PHF20: variants seen among roughly 807,000 people sequenced by gnomAD.
PHF20 encodes the protein PHD finger protein 20, also known as glioma-expressed antigen 2.
A neutral mutation model predicts 113.5 loss-of-function variants in PHF20; 23 were observed. That is an observed-to-expected ratio of 0.20 (90% CI 0.15 to 0.29). PHF20 has a LOEUF of 0.29. Among genes scored for constraint, PHF20 ranks in the 10% least tolerant of loss-of-function variants. The pLI is 1.00. For synonymous variants in PHF20, 434 were observed against 457.3 expected, an observed-to-expected ratio of 0.95 and a Z score of 0.65; for missense variants, 943 against 1,219.6, an observed-to-expected ratio of 0.77 and a Z score of 3.38.
chr20:35,858,444 CAAAT>C lies in PHF20; in HGVS notation c.420+67_420+70del, dbSNP rs1434735189. On this transcript the variant is annotated intron_variant, in intron 5 of 17. Coordinates refer to ENST00000374012, the MANE Select transcript of PHF20 (RefSeq NM_016436.5). ...TGCTAACATTGTAGTTTTGTTTCCTCAAATAAAGACATTACATTTGTTTATGATA... is the reference window on the plus strand; with the variant it reads ...TGCTAACATTGTAGTTTTGTTTCCTCAAAGACATTACATTTGTTTATGATA... 6.0e-6 allele frequency: 5 copies of C among 828,302 alleles called. No individual in the cohort carries two copies. The East Asian group carries it at 1.0e-4, about 17-fold the overall frequency. 51.3% of individuals were successfully genotyped at this position (828,302 alleles called of 1,614,324 possible). A position where few individuals can be genotyped will look rare whatever the true frequency, so the allele number is the denominator to read the frequency against.
At chr20:35,804,801 G>A (rs2041851219) in intron 2 of PHF20, among the ~76,000 whole-genome samples, 1 of 152,056 alleles carries the variant, frequency 6.6e-6, no homozygotes, top group African/African-American at 2.4e-5. Flanking sequence ...CTTGGGCAGT[G>A]GCTTTTGACC....
intron 17 of PHF20, among the ~76,000 whole-genome samples, chr20:35,945,218 G>GT (rs1345069614): frequency 6.6e-6 from 1 of 152,172 alleles, no homozygotes; most frequent in Non-Finnish European, 1.5e-5. Context: ...CTCTCGCTGT[G>GT]TTTGTTGCAG....
intron 2 of PHF20, among the ~76,000 whole-genome samples, chr20:35,840,021 A>G (rs1237518906): frequency 1.3e-5 from 2 of 152,208 alleles, no homozygotes; most frequent in East Asian, 3.8e-4. Flanking sequence ...TGTGGGTTGA[A>G]AAGTACACAG....
intron 13 of PHF20, among the ~76,000 whole-genome samples, chr20:35,924,299 A>T (rs2055579644): frequency 6.8e-6 from 1 of 147,178 alleles, no homozygotes; most frequent in Non-Finnish European, 1.5e-5. Context: ...GGTTCAAGTG[A>T]TTCTCCTGCC....
intron 9 of PHF20, among the ~76,000 whole-genome samples, chr20:35,887,066 C>T (rs531200032): frequency 2.6e-5 from 4 of 152,276 alleles, no homozygotes; most frequent in Admixed American, 6.5e-5. Context: ...TCATCTGATA[C>T]TGGCAATGGG....
intron 4 of PHF20, chr20:35,855,139 C>T (rs2042803437): frequency 6.6e-6 from 2 of 301,606 alleles, no homozygotes; most frequent in African/African-American, 4.6e-5. Context: ...AAACTCCCAT[C>T]CCCCCATCTC....
chr20:35,785,688 G>A (rs1342920353), intron 1 of PHF20, among the ~76,000 whole-genome samples: 1 of 152,008 alleles, frequency 6.6e-6, no homozygotes, highest in Non-Finnish European at 1.5e-5. Context: ...GCATGAAAAT[G>A]TCTCTCAAGG....
At chr20:35,915,267 G>A (rs556113530) in intron 12 of PHF20, among the ~76,000 whole-genome samples, 1 of 149,794 alleles carries the variant, frequency 6.7e-6, no homozygotes, top group African/African-American at 2.4e-5. Context: ...GGTGAATGAT[G>A]GTATTTGTTC....
intron 10 of PHF20, among the ~76,000 whole-genome samples, chr20:35,911,102 C>T (rs1568750275): frequency 2.0e-5 from 3 of 151,298 alleles, no homozygotes; most frequent in Non-Finnish European, 3.0e-5. Flanking sequence ...GTGCAGTGGC[C>T]AGACCTCAGC....
chr20:35,836,877 T>C (rs1204649548), intron 2 of PHF20, among the ~76,000 whole-genome samples: 1 of 149,744 alleles, frequency 6.7e-6, no homozygotes, highest in African/African-American at 2.5e-5. Flanking sequence ...AATTTAAAAG[T>C]ATTTATTTTT....
intron 13 of PHF20, among the ~76,000 whole-genome samples, 156 bp from the exon 14 acceptor site, chr20:35,927,624 G>A (rs1366787048): frequency 6.6e-6 from 1 of 152,188 alleles, no homozygotes; most frequent in African/African-American, 2.4e-5. Context: ...TTCCAGATGT[G>A]TGGCAGCAGC....
chr20:35,871,974 C>G, intron 9 of PHF20, 145 bp downstream of exon 9: 1 of 516,034 alleles, frequency 1.9e-6, no homozygotes, highest in East Asian at 3.2e-5. Flanking sequence ...ATGCTCCTTT[C>G]ATTTCTGATT....
At chr20:35,937,827 G>T (rs539581355) in intron 15 of PHF20, among the ~76,000 whole-genome samples, 1 of 152,200 alleles carries the variant, frequency 6.6e-6, no homozygotes, top group Admixed American at 6.5e-5. Context: ...AGTCTGTTTT[G>T]TCAGTCTGAG....
rs1490782000 is a variant in PHF20 at position 35,844,410 on chromosome 20, T to A, written c.255+1666T>A. On this transcript the variant is annotated intron_variant, in intron 3 of 17. Coordinates refer to ENST00000374012, the MANE Select transcript of PHF20 (RefSeq NM_016436.5). ...AGCCACCGCGCCCAGCCGGTTTTTTTTTTTTGGTTTTTTTTTTTTTTGATA... is the reference window on the plus strand; with the variant it reads ...AGCCACCGCGCCCAGCCGGTTTTTTATTTTTGGTTTTTTTTTTTTTTGATA... Among the ~76,000 whole-genome samples the A allele has an allele frequency of 2.4e-4, 34 of 142,700 alleles. No homozygotes were observed. In the East Asian group the frequency reaches 6.6e-3, roughly 28 times the overall value. 93.6% of individuals were successfully genotyped at this position (142,700 alleles called of 152,430 possible). A position where few individuals can be genotyped will look rare whatever the true frequency, so the allele number is the denominator to read the frequency against.
At chr20:35,867,072 G>C (rs1385821971) in intron 6 of PHF20, among the ~76,000 whole-genome samples, 1 of 152,100 alleles carries the variant, frequency 6.6e-6, no homozygotes, top group Non-Finnish European at 1.5e-5. Context: ...TGTACAGTCA[G>C]CTCCTATTTA....
intron 9 of PHF20, among the ~76,000 whole-genome samples, chr20:35,889,510 C>T (rs1350473809): frequency 6.6e-6 from 1 of 151,830 alleles, no homozygotes; most frequent in Non-Finnish European, 1.5e-5. Flanking sequence ...AATAGGCACG[C>T]ACCACCACGC....
At chr20:35,818,276 AAAAAC>A (rs201625822) in intron 2 of PHF20, among the ~76,000 whole-genome samples, 6 of 152,058 alleles carry the variant, frequency 3.9e-5, no homozygotes, top group African/African-American at 4.8e-5. Flanking sequence ...CTCCGTCTCA[AAAAAC>A]AAAACAAAAC....
intron 5 of PHF20, among the ~76,000 whole-genome samples, chr20:35,862,415 T>C (rs375656133): frequency 6.6e-6 from 1 of 152,124 alleles, no homozygotes; most frequent in African/African-American, 2.4e-5. Flanking sequence ...TCGAACACCT[T>C]TGTCAGAAAG....
intron 2 of PHF20, among the ~76,000 whole-genome samples, chr20:35,807,350 C>CTTT (rs35614615): frequency 1.3e-4 from 16 of 122,304 alleles, no homozygotes; most frequent in Non-Finnish European, 1.6e-4. Flanking sequence ...ATGAATGGAT[C>CTTT]TTTTTTTTTT....
Sources: gnomAD v4.1 joint callset for allele counts (sites outside exome capture counted in the v4.1 genomes callset) on GRCh38, gnomAD v4.1.1 for gene constraint, MANE v1.5 for transcripts, NCBI Gene and HGNC (gene_info 2026-07-23, HGNC 2026-07-21) for gene names.